Variants in KCNQ1 observed in about 807,000 individuals in gnomAD.
KCNQ1 encodes potassium voltage-gated channel subfamily KQT member 1.
In KCNQ1, 49 loss-of-function variants were observed where a neutral mutation model predicts 72.4. That is an observed-to-expected ratio of 0.68 (90% CI 0.54 to 0.86). The LOEUF is 0.86. KCNQ1 is among the 40% of genes least tolerant of loss of function. The pLI is 0.00. For missense variants in KCNQ1, 790 were observed against 945.1 expected (o/e 0.84, Z 2.15); for synonymous variants, 450 against 412.6 (o/e 1.09, Z -1.10).
intron 2 of KCNQ1, among the ~76,000 whole-genome samples, chr11:2,545,047 A>G (rs962987789): frequency 5.9e-5 from 9 of 152,372 alleles, no homozygotes; most frequent in Middle Eastern, 6.8e-3. Context: ...ATCTTTTGAT[A>G]TGATCATGTG....
Position 2,618,609 on chromosome 11 carries a change from A to G in KCNQ1, c.1393+29755A>G, listed in dbSNP as rs372158973. On this transcript the variant is annotated intron_variant, in intron 10 of 15. Coordinates refer to ENST00000155840, the MANE Select transcript of KCNQ1 (RefSeq NM_000218.3). ...TACTGTTTGATCAATAGTTTTGTAA[A>G]ATAAACCAGAAAGTATGAAGTCTCC... 26 of 398,534 alleles carry G rather than the reference A, an allele frequency of 6.5e-5. No individual in the cohort carries two copies. The South Asian group carries it at 8.9e-4, about 14-fold the overall frequency. 24.7% of individuals were successfully genotyped at this position (398,534 alleles called of 1,614,324 possible).
intron 1 of KCNQ1, among the ~76,000 whole-genome samples, chr11:2,459,368 G>A (rs764199143): frequency 4.6e-5 from 7 of 152,302 alleles, no homozygotes; most frequent in Admixed American, 1.3e-4. Context: ...GCAGGGGTGG[G>A]GGGCAATCAG....
chr11:2,584,230 TTATG>T (rs1459167437), intron 7 of KCNQ1, among the ~76,000 whole-genome samples: 3 of 151,242 alleles, frequency 2.0e-5, no homozygotes, highest in Non-Finnish European at 2.9e-5. Context: ...ATATGTGTAT[TTATG>T]TATCTGTGTC....
chr11:2,686,948 C>T, intron 11 of KCNQ1: 1 of 398,628 alleles, frequency 2.5e-6, no homozygotes, highest in Non-Finnish European at 4.4e-6. Flanking sequence ...GGAGCATGCC[C>T]AGCTTACCAT....
At chr11:2,741,344 G>A (rs1024126056) in intron 11 of KCNQ1, among the ~76,000 whole-genome samples, 1 of 152,218 alleles carries the variant, frequency 6.6e-6, no homozygotes, top group Non-Finnish European at 1.5e-5. Context: ...CGGGGTGGCT[G>A]TGTGCAGCAG....
rs1319690744 is a variant in KCNQ1, at chr11:2,464,028, G to A, written c.386+18544G>A. 6.6e-6 allele frequency among the ~76,000 whole-genome samples: 1 copy of A among 152,230 alleles called. No homozygotes were observed. Among genetic ancestry groups the A allele is most frequent in the Admixed American group, 6.5e-5 (1 of 15,288 alleles). ...CCCTGACTCTGCAGAGCAGGACTGT[G>A]GAAAATGGACACTGATGCTGCCCGG... On this transcript the variant is annotated intron_variant, in intron 1 of 15. Coordinates refer to ENST00000155840, the MANE Select transcript of KCNQ1 (RefSeq NM_000218.3). The surrounding 1 kb of genome is among the most constrained non-coding windows in gnomAD (Gnocchi z 5.0).
chr11:2,740,688 G>A (rs530355378), intron 11 of KCNQ1, among the ~76,000 whole-genome samples: 106 of 152,340 alleles, frequency 7.0e-4, no homozygotes, highest in African/African-American at 2.5e-3. Flanking sequence ...AGGCTCTAGG[G>A]AGAGTCCCTG....
intron 10 of KCNQ1, among the ~76,000 whole-genome samples, chr11:2,597,608 A>G (rs1848750743): frequency 6.6e-6 from 1 of 152,240 alleles, no homozygotes; most frequent in Middle Eastern, 3.2e-3. Flanking sequence ...AATGGTTTAC[A>G]AAACAAAGTT....
chr11:2,797,960 C>T (rs1847172363), intron 15 of KCNQ1, among the ~76,000 whole-genome samples: 1 of 152,192 alleles, frequency 6.6e-6, no homozygotes, highest in South Asian at 2.1e-4. Context: ...CAACCCAGGG[C>T]ACCGCGGTGG....
chr11:2,664,082 A>C lies in KCNQ1; in HGVS notation c.1514+2001A>C, dbSNP rs1334206845. 8 of 398,660 alleles carry C rather than the reference A, an allele frequency of 2.0e-5. No homozygotes were observed. Among genetic ancestry groups the C allele is most frequent in the Non-Finnish European group, 3.5e-5 (8 of 226,166 alleles). 24.7% of individuals were successfully genotyped at this position (398,660 alleles called of 1,614,324 possible). On this transcript the variant is annotated intron_variant, in intron 11 of 15. Transcript: ENST00000155840. The surrounding 1 kb of genome is among the most constrained non-coding windows in gnomAD (Gnocchi z 5.1). ...CCTCCAGTGATAAGTGGGCCCAGGC[A>C]GGTCAGAGACTCCAGTCATTACCCA...
At chr11:2,694,911 C>A (rs1460600777) in intron 11 of KCNQ1, 1 of 398,636 alleles carries the variant, frequency 2.5e-6, no homozygotes, top group Non-Finnish European at 4.4e-6. Flanking sequence ...CCAGAAAAGA[C>A]AAGCCAGGCA....
intron 11 of KCNQ1, among the ~76,000 whole-genome samples, chr11:2,732,720 C>A (rs892848991): frequency 6.6e-6 from 1 of 152,200 alleles, no homozygotes; most frequent in South Asian, 2.1e-4. Flanking sequence ...ACCGGGCCGG[C>A]GCACACAGCT....
At position 2,547,666 on chromosome 11, in the gene KCNQ1, A is replaced by T. The variant is rs543067341; in HGVS notation, c.477+19648A>T. 3.3e-5 allele frequency among the ~76,000 whole-genome samples: 5 copies of T among 152,316 alleles called. No homozygotes were observed. Among genetic ancestry groups the T allele is most frequent in the African/African-American group, 1.2e-4 (5 of 41,552 alleles). On this transcript the variant is annotated intron_variant, in intron 2 of 15. Transcript: ENST00000155840. The surrounding 1 kb of genome is among the most constrained non-coding windows in gnomAD (Gnocchi z 4.2). Reference sequence around the variant, plus strand: ...CTGCCTTAACTTCTACTTAGTGCCTATACCACAAACAATAAGCTGACTCCA... The same window carrying T: ...CTGCCTTAACTTCTACTTAGTGCCTTTACCACAAACAATAAGCTGACTCCA...
chr11:2,795,376 C>T (rs1411788825), intron 15 of KCNQ1, among the ~76,000 whole-genome samples: 2 of 152,224 alleles, frequency 1.3e-5, no homozygotes, highest in Non-Finnish European at 2.9e-5. Flanking sequence ...TATCCCACTT[C>T]GTTTCTCTCT....
chr11:2,633,069 C>T (rs1241803013), intron 10 of KCNQ1: 8 of 398,316 alleles, frequency 2.0e-5, no homozygotes, highest in Non-Finnish European at 3.5e-5. Flanking sequence ...GCATCCTTGC[C>T]AGCATTTGTT....
chr11:2,773,735 G>T (rs77968420), intron 12 of KCNQ1, among the ~76,000 whole-genome samples: 1 of 110,822 alleles, frequency 9.0e-6, no homozygotes, highest in Non-Finnish European at 2.1e-5. Context: ...CAAAAGGGAG[G>T]ATCAGGGCTC....
chr11:2,498,732 C>A lies in KCNQ1; in HGVS notation c.387-29196C>A, dbSNP rs1475997221. On this transcript the variant is annotated intron_variant, in intron 1 of 15. Coordinates refer to ENST00000155840, the MANE Select transcript of KCNQ1 (RefSeq NM_000218.3). The surrounding 1 kb of genome is among the most constrained non-coding windows in gnomAD (Gnocchi z 4.8). ...TGGGGTTCCAGGCACCACTGGGGTA[C>A]AGAAAAAACTCCTGCAGCTAGTTCA... 2.1e-5 allele frequency among the ~76,000 whole-genome samples: 3 copies of A among 145,952 alleles called. No individual in the cohort carries two copies. The highest frequency in any genetic ancestry group is 2.9e-5 in the Non-Finnish European group (2 of 67,950).
chr11:2,501,758 G>A (rs1315446171), intron 1 of KCNQ1, among the ~76,000 whole-genome samples: 2 of 133,248 alleles, frequency 1.5e-5, no homozygotes, highest in Non-Finnish European at 3.2e-5. Flanking sequence ...GGAACCACGG[G>A]CCAATATCCC....
At chr11:2,496,300 G>A (rs1478149696) in intron 1 of KCNQ1, among the ~76,000 whole-genome samples, 1 of 151,890 alleles carries the variant, frequency 6.6e-6, no homozygotes, top group Non-Finnish European at 1.5e-5. Context: ...AGTCAGGCAT[G>A]GTGGCGGGCA....
Sources: allele counts gnomAD v4.1 joint callset (sites outside exome capture counted in the v4.1 genomes callset), GRCh38; gene constraint gnomAD v4.1.1; non-coding constraint Gnocchi (gnomAD v3.1); transcripts MANE v1.5; gene names NCBI Gene and HGNC (gene_info 2026-07-23, HGNC 2026-07-21).